Variants in RFTN1 observed in about 807,000 individuals in gnomAD.
The protein encoded by RFTN1 is raftlin, lipid raft linker 1.
A neutral mutation model predicts 46.5 loss-of-function variants in RFTN1; 26 were observed. That is an observed-to-expected ratio of 0.56 (90% CI 0.41 to 0.78). RFTN1 has a LOEUF of 0.78. Ranked by LOEUF, RFTN1 falls within the 30% of genes least tolerant of loss-of-function variation. The pLI is 0.00. For missense variants in RFTN1, 693 were observed against 718.7 expected (o/e 0.96, Z 0.41); for synonymous variants, 261 against 284.2 (o/e 0.92, Z 0.82).
intron 1 of RFTN1, among the ~76,000 whole-genome samples, chr3:16,511,513 C>G (rs2125019124): frequency 6.6e-6 from 1 of 152,208 alleles, no homozygotes; most frequent in South Asian, 2.1e-4. Context: ...TAGGGGGTCA[C>G]TGTTCTTGCA....
At chr3:16,340,791 A>C (rs1267130911) in intron 7 of RFTN1, among the ~76,000 whole-genome samples, 1 of 152,218 alleles carries the variant, frequency 6.6e-6, no homozygotes, top group Non-Finnish European at 1.5e-5. Context: ...TTCAAGGTGA[A>C]GTCAAAGGTG....
At chr3:16,347,854 G>T (rs1210730529) in intron 7 of RFTN1, 9 of 152,168 alleles carry the variant, frequency 5.9e-5, no homozygotes, top group African/African-American at 1.9e-4. Flanking sequence ...CTTAGGTCAG[G>T]TTCCCTATAA....
chr3:16,471,666 C>A (rs1031936470), intron 2 of RFTN1, among the ~76,000 whole-genome samples: 4 of 151,934 alleles, frequency 2.6e-5, no homozygotes, highest in Non-Finnish European at 4.4e-5. Flanking sequence ...TAAATAGACA[C>A]ACATGCACTA....
intron 7 of RFTN1, among the ~76,000 whole-genome samples, chr3:16,340,436 C>G (rs1385588793): frequency 6.6e-6 from 1 of 152,226 alleles, no homozygotes; most frequent in East Asian, 1.9e-4. Flanking sequence ...GATCATTCAG[C>G]TACCAGCTGA....
At position 16,418,072 on chromosome 3, in the gene RFTN1, A is replaced by G. The variant is rs895147165; in HGVS notation, c.333-8589T>C. Among the ~76,000 whole-genome samples the G allele has an allele frequency of 1.2e-4, 18 of 152,176 alleles. No individual in the cohort carries two copies. Among genetic ancestry groups the G allele is most frequent in the African/African-American group, 3.4e-4 (14 of 41,434 alleles). ...AGTGGTGGGACCTAACCCTTTCCTA[A>G]GACATTAAAATAGCATTGTTGTAAC... is the stretch of plus-strand genomic sequence containing the variant. On this transcript the variant is annotated intron_variant, in intron 3 of 9. Transcript: ENST00000334133. The surrounding 1 kb of genome is among the most constrained non-coding windows in gnomAD (Gnocchi z 5.0).
chr3:16,368,845 G>A (rs536733244), intron 6 of RFTN1, among the ~76,000 whole-genome samples: 7 of 152,258 alleles, frequency 4.6e-5, no homozygotes, highest in Admixed American at 2.6e-4. Flanking sequence ...CTCAGTAGCC[G>A]CAGGCAGCCG....
rs1259114274 is a variant in RFTN1, at chr3:16,402,345, C to T, written c.441+7030G>A. ...TGCCCCCTGCAAGGCCTGCGCCAGC[C>T]GCCAGCTCACTGTCTTCCACTCTGA... On this transcript the variant is annotated intron_variant, in intron 4 of 9. Transcript: ENST00000334133. This position sits in a 1 kb window ranked among gnomAD's most constrained non-coding sequence, Gnocchi z 4.5. Among the ~76,000 whole-genome samples, 9 of 152,190 alleles carry T rather than the reference C, an allele frequency of 5.9e-5. No homozygotes were observed. The highest frequency in any genetic ancestry group is 1.0e-4 in the Non-Finnish European group (7 of 68,032).
intron 4 of RFTN1, among the ~76,000 whole-genome samples, chr3:16,408,264 C>T (rs1452527777): frequency 3.3e-5 from 5 of 152,160 alleles, no homozygotes; most frequent in Non-Finnish European, 7.3e-5. Flanking sequence ...ATCTCAGCTC[C>T]AAGTACCTTC....
chr3:16,318,038 A>G (rs539627369), intron 9 of RFTN1, among the ~76,000 whole-genome samples: 3 of 152,168 alleles, frequency 2.0e-5, no homozygotes, highest in Non-Finnish European at 2.9e-5. Flanking sequence ...CGGGGGCCCA[A>G]CCTGCAACCA....
In RFTN1 at chr3:16,448,849, T is replaced by A. The variant is rs905075508; in HGVS notation, c.146-14812A>T. ...CTCTAGCAAAACTAGAAATAACTGC[T>A]GGAGGCAAGCAGCCAGCCGGCATCC... On this transcript the variant is annotated intron_variant, in intron 2 of 9. Coordinates refer to ENST00000334133, the MANE Select transcript of RFTN1 (RefSeq NM_015150.2). This position sits in a 1 kb window ranked among gnomAD's most constrained non-coding sequence, Gnocchi z 4.1. 6.6e-6 allele frequency among the ~76,000 whole-genome samples: 1 copy of A among 152,162 alleles called. No individual in the cohort carries two copies. Among genetic ancestry groups the A allele is most frequent in the South Asian group, 2.1e-4 (1 of 4,830 alleles).
intron 2 of RFTN1, among the ~76,000 whole-genome samples, chr3:16,438,204 C>A (rs1397168594): frequency 6.6e-6 from 1 of 151,938 alleles, no homozygotes; most frequent in Non-Finnish European, 1.5e-5. Context: ...TAAAATAAAC[C>A]TTTATTGAGA....
chr3:16,404,030 TATATAA>T lies in RFTN1; in HGVS notation c.441+5339_441+5344del, dbSNP rs1559327940. 5.3e-3 allele frequency among the ~76,000 whole-genome samples: 85 copies of T among 16,044 alleles called. 7 individuals are homozygous for T. The highest frequency in any genetic ancestry group is 0.013 in the African/African-American group (36 of 2,726). 10.5% of individuals were successfully genotyped at this position (16,044 alleles called of 152,430 possible). A position where few individuals can be genotyped will look rare whatever the true frequency, so the allele number is the denominator to read the frequency against. ...TATATATATTATATTTTATATATAA[TATATAA>T]TATATATTTTATATATATATTATAT... is the stretch of plus-strand genomic sequence containing the variant. On this transcript the variant is annotated intron_variant, in intron 4 of 9. Transcript: ENST00000334133.
Position 16,316,921 on chromosome 3 carries a change from C to T in RFTN1, c.1644G>A (p.Val548=). ...NGPASHSRAL[V]GICTGHSNPG... ...GATTGGAGTGCCCAGTGCAAATCCCCACCAGGGCCCTGCTGTGGCTGGCAG... is the reference window on the plus strand; with the variant it reads ...GATTGGAGTGCCCAGTGCAAATCCCTACCAGGGCCCTGCTGTGGCTGGCAG... Residue 548 remains valine, a synonymous_variant, in exon 10 of 10, where the codon GTG becomes GTA. Transcript: ENST00000334133. This position sits in a 1 kb window ranked among gnomAD's most constrained non-coding sequence, Gnocchi z 4.5. The T allele has an allele frequency of 1.2e-6, 2 of 1,614,126 alleles. No individual in the cohort carries two copies. The highest frequency in any genetic ancestry group is 1.7e-6 in the Non-Finnish European group (2 of 1,180,026).
In RFTN1 at chr3:16,377,861, C is replaced by A. The variant is rs1334972208; in HGVS notation, c.683G>T (p.Arg228Ile). 1.2e-6 allele frequency: 2 copies of A among 1,614,122 alleles called. No homozygotes were observed. Among genetic ancestry groups the A allele is most frequent in the Non-Finnish European group, 1.7e-6 (2 of 1,180,052 alleles). Residue 228 changes from arginine to isoleucine, a missense_variant, in exon 5 of 10, where the codon AGA (arginine) becomes ATA (isoleucine). Coordinates refer to ENST00000334133, the MANE Select transcript of RFTN1 (RefSeq NM_015150.2). ...CTGCTTGGCGAGGGGCACCTCCCCT[C>A]TGGGGCCTGAGCTGGGCTCTGGGCT... ...NQSPEPSSGP[R>I]GEVPLAKQPS...
rs2075351636 is a variant in RFTN1 at position 16,429,880 on chromosome 3, T to G, written c.332+3971A>C. Among the ~76,000 whole-genome samples the G allele has an allele frequency of 6.6e-6, 1 of 152,226 alleles. No homozygotes were observed. Among genetic ancestry groups the G allele is most frequent in the South Asian group, 2.1e-4 (1 of 4,834 alleles). On this transcript the variant is annotated intron_variant, in intron 3 of 9. Transcript: ENST00000334133. The surrounding 1 kb of genome is among the most constrained non-coding windows in gnomAD (Gnocchi z 6.4). Reference sequence around the variant, plus strand: ...TGGGTCAACAATAATCTAGAATGTGTATCTACATCTCTTTCAATGTGCTCC... The same window carrying G: ...TGGGTCAACAATAATCTAGAATGTGGATCTACATCTCTTTCAATGTGCTCC...
In RFTN1 at chr3:16,483,067, C is replaced by T. The variant is rs543029109; in HGVS notation, c.145+10658G>A. Among the ~76,000 whole-genome samples the T allele has an allele frequency of 1.2e-4, 19 of 152,182 alleles. No homozygotes were observed. The highest frequency in any genetic ancestry group is 2.1e-4 in the Non-Finnish European group (14 of 68,038). On this transcript the variant is annotated intron_variant, in intron 2 of 9. Transcript: ENST00000334133. This position sits in a 1 kb window ranked among gnomAD's most constrained non-coding sequence, Gnocchi z 4.8. The stretch of plus-strand genomic sequence containing the variant: ...TTTTACTTAGAAAAAATGCCATCAA[C>T]GTCAGTGACTGTATGCTCAGTTCTG...
At chr3:16,477,408 C>A (rs2076299544) in intron 2 of RFTN1, among the ~76,000 whole-genome samples, 1 of 152,072 alleles carries the variant, frequency 6.6e-6, no homozygotes, top group South Asian at 2.1e-4. Flanking sequence ...GAAACTTTCA[C>A]AAGTTGAGGA....
intron 4 of RFTN1, among the ~76,000 whole-genome samples, chr3:16,409,033 A>C (rs2074925963): frequency 6.6e-6 from 1 of 152,218 alleles, no homozygotes; most frequent in African/African-American, 2.4e-5. Flanking sequence ...GCGGCAATGA[A>C]GACCCATAGA....
At chr3:16,494,492 C>G (rs544819247) in intron 1 of RFTN1, among the ~76,000 whole-genome samples, 14 of 152,298 alleles carry the variant, frequency 9.2e-5, no homozygotes, top group African/African-American at 2.4e-4. Flanking sequence ...TTTTATACTT[C>G]CAAGCTCTTA....
Sources: allele counts gnomAD v4.1 joint callset (sites outside exome capture counted in the v4.1 genomes callset), GRCh38; gene constraint gnomAD v4.1.1; non-coding constraint Gnocchi (gnomAD v3.1); transcripts MANE v1.5; gene names NCBI Gene and HGNC (gene_info 2026-07-23, HGNC 2026-07-21).